FHOD3: variants seen among roughly 807,000 people sequenced by gnomAD.
FHOD3 encodes formin homology 2 domain containing 3, also known as FH1/FH2 domain-containing protein 3.
FHOD3 carries 90 observed loss-of-function variants against 173.0 expected under a neutral mutation model. The ratio of observed to expected loss-of-function variants is 0.52; its 90% confidence interval spans 0.44 to 0.62. The LOEUF (loss-of-function observed/expected upper bound fraction) is 0.62, where lower values mean the gene tolerates loss of function less well. FHOD3 is among the 20% of genes least tolerant of loss of function. The probability of loss-of-function intolerance (pLI) is 0.00; values close to 1 mark genes in which losing one functional copy is unlikely to be tolerated. For synonymous variants in FHOD3, 828 were observed against 823.0 expected, an observed-to-expected ratio of 1.01 and a Z score of -0.10; for missense variants, 1,945 against 2,034.7, an observed-to-expected ratio of 0.96 and a Z score of 0.85.
At chr18:36,541,896 G>C (rs2057238089) in intron 5 of FHOD3, among the ~76,000 whole-genome samples, 2 of 152,126 alleles carry the variant, frequency 1.3e-5, no homozygotes, top group African/African-American at 4.8e-5. Context: ...TAAGTACTCA[G>C]ATCTTCAGAT....
At chr18:36,697,940 G>A (rs1022944352) in intron 17 of FHOD3, among the ~76,000 whole-genome samples, 1 of 152,056 alleles carries the variant, frequency 6.6e-6, no homozygotes, top group Admixed American at 6.5e-5. Flanking sequence ...TCAGGTGTAG[G>A]GACTCTCTGA....
At chr18:36,709,492 C>T in intron 18 of FHOD3, 101 bp downstream of exon 18, 1 of 1,279,028 alleles carries the variant, frequency 7.8e-7, no homozygotes, top group South Asian at 1.5e-5. Flanking sequence ...TCTGAGGTGA[C>T]CTGGGTCAAC....
chr18:36,587,303 T>C (rs2148214991), intron 6 of FHOD3, among the ~76,000 whole-genome samples: 1 of 152,284 alleles, frequency 6.6e-6, no homozygotes, highest in East Asian at 1.9e-4. Context: ...TTAGAAACTC[T>C]TCAGAGGCCA....
At chr18:36,450,017 A>G (rs1196988960) in intron 3 of FHOD3, among the ~76,000 whole-genome samples, 2 of 152,126 alleles carry the variant, frequency 1.3e-5, no homozygotes, top group African/African-American at 4.8e-5. Context: ...TAGTGCACTT[A>G]TCACTGGAGC....
Position 36,740,805 on chromosome 18 carries a change from G to C in FHOD3, c.3726G>C (p.Trp1242Cys). 1 of 1,612,886 alleles carries C rather than the reference G, an allele frequency of 6.2e-7. No homozygotes were observed. Among genetic ancestry groups the C allele is most frequent in the Non-Finnish European group, 8.5e-7 (1 of 1,179,726 alleles). Residue 1242 changes from tryptophan (W) to cysteine (C), a missense_variant, in exon 21 of 29, where the codon TGG (tryptophan) becomes TGC (cysteine). This residue lies in a region of FHOD3 where 231 missense variants were observed against 321.9 expected (regional missense o/e 0.72). Transcript: ENST00000590592. ...AGCTCTCTGCACGACTTCACCTCTG[G>C]GCATTCAAAATGGATTATGAAACTA... The part of the protein sequence containing the change: ...ISELSARLHL[W>C]AFKMDYETTE...
intron 6 of FHOD3, among the ~76,000 whole-genome samples, chr18:36,591,815 C>T (rs911178419): frequency 1.3e-5 from 2 of 152,096 alleles, no homozygotes; most frequent in African/African-American, 2.4e-5. Flanking sequence ...TCCAGTTACT[C>T]GAGAGGCTGA....
At chr18:36,379,764 G>A (rs2047641603) in intron 3 of FHOD3, among the ~76,000 whole-genome samples, 1 of 152,204 alleles carries the variant, frequency 6.6e-6, no homozygotes, top group East Asian at 1.9e-4. Context: ...CACAAGTCTG[G>A]CCTGCTTCTG....
At chr18:36,512,403 A>G in intron 4 of FHOD3, 35 bp from the exon 5 acceptor site, 1 of 1,471,454 alleles carries the variant, frequency 6.8e-7, no homozygotes, top group Non-Finnish European at 9.5e-7. Flanking sequence ...GGACAGGGAC[A>G]GTATTTGAAG....
intron 3 of FHOD3, among the ~76,000 whole-genome samples, chr18:36,472,276 CCT>C (rs921332269): frequency 2.6e-5 from 4 of 152,146 alleles, no homozygotes; most frequent in Non-Finnish European, 5.9e-5. Context: ...GTAATGGCAA[CCT>C]CTCTCTCACA....
At chr18:36,544,144 A>T (rs1006292035) in intron 5 of FHOD3, among the ~76,000 whole-genome samples, 4 of 152,162 alleles carry the variant, frequency 2.6e-5, no homozygotes, top group Admixed American at 6.5e-5. Context: ...CAGTATCATC[A>T]TTGAATATTA....
At chr18:36,603,492 A>G (rs2031669977) in intron 8 of FHOD3, among the ~76,000 whole-genome samples, 1 of 150,996 alleles carries the variant, frequency 6.6e-6, no homozygotes, top group Non-Finnish European at 1.5e-5. Context: ...TTAAAATAAT[A>G]ATAATAATAA....
intron 1 of FHOD3, among the ~76,000 whole-genome samples, chr18:36,307,340 T>C (rs1463314277): frequency 6.6e-6 from 1 of 152,214 alleles, no homozygotes; most frequent in African/African-American, 2.4e-5. Context: ...CAGATGGGGA[T>C]GGACATGGCC....
chr18:36,321,230 G>A (rs2144947796), intron 1 of FHOD3, among the ~76,000 whole-genome samples: 1 of 152,310 alleles, frequency 6.6e-6, no homozygotes, highest in Non-Finnish European at 1.5e-5. Context: ...ATGGTGGGAT[G>A]TGGTGTCATC....
chr18:36,687,236 C>A lies in FHOD3; in HGVS notation c.2021+58C>A, dbSNP rs190257347. 91 of 1,255,758 alleles carry A rather than the reference C, an allele frequency of 7.2e-5. 1 individual carries two copies. The Admixed American group carries it at 9.8e-4, about 14-fold the overall frequency. 77.8% of individuals were successfully genotyped at this position (1,255,758 alleles called of 1,614,324 possible). On this transcript the variant is annotated intron_variant, in intron 16 of 28. Coordinates refer to ENST00000590592, the MANE Select transcript of FHOD3 (RefSeq NM_001281740.3). ...ATGGCATGTGACTTTGCACTGTTAA[C>A]CTAGCATGCAGAGAGACTGTCGATT...
At chr18:36,534,551 G>A (rs984847806) in intron 5 of FHOD3, among the ~76,000 whole-genome samples, 1 of 151,698 alleles carries the variant, frequency 6.6e-6, no homozygotes, top group African/African-American at 2.4e-5. Flanking sequence ...CTGTCGCCCA[G>A]GCTGGAGTGC....
intron 5 of FHOD3, among the ~76,000 whole-genome samples, chr18:36,528,616 A>G (rs1351901682): frequency 2.2e-4 from 34 of 152,168 alleles, no homozygotes; most frequent in Admixed American, 2.2e-3. Flanking sequence ...CAGATAATGT[A>G]GTAAGTTCAC....
At chr18:36,654,620 G>A (rs564533975) in intron 13 of FHOD3, among the ~76,000 whole-genome samples, 12 of 152,184 alleles carry the variant, frequency 7.9e-5, no homozygotes, top group African/African-American at 2.9e-4. Context: ...GAGCTCATAC[G>A]CATCCCTGAC....
chr18:36,364,459 G>A (rs1180780013), intron 2 of FHOD3, among the ~76,000 whole-genome samples: 1 of 152,156 alleles, frequency 6.6e-6, no homozygotes, highest in African/African-American at 2.4e-5. Context: ...ACGCTCGAGG[G>A]CACAGTGAAT....
intron 1 of FHOD3, among the ~76,000 whole-genome samples, chr18:36,330,122 C>A (rs2044909630): frequency 6.6e-6 from 1 of 152,152 alleles, no homozygotes; most frequent in Non-Finnish European, 1.5e-5. Flanking sequence ...AATTACACAC[C>A]TAGCTTGAAA....
Sources: allele counts gnomAD v4.1 joint callset (sites outside exome capture counted in the v4.1 genomes callset), GRCh38; gene constraint gnomAD v4.1.1; regional missense constraint gnomAD v4.1.1; transcripts MANE v1.5; gene names NCBI Gene and HGNC (gene_info 2026-07-23, HGNC 2026-07-21).